Variants in NCAM2 observed in about 807,000 individuals in gnomAD.
The protein encoded by NCAM2 is neural cell adhesion molecule 2.
In NCAM2, 30 loss-of-function variants were observed where a neutral mutation model predicts 98.1. The observed-to-expected ratio is 0.31, with a 90% CI of 0.23 to 0.41. The LOEUF is 0.41. NCAM2 is among the 10% of genes least tolerant of loss of function. The probability of loss-of-function intolerance (pLI) is 1.00; values close to 1 mark genes in which losing one functional copy is unlikely to be tolerated. For missense variants in NCAM2, 867 were observed against 1,005.8 expected (o/e 0.86, Z 1.87); for synonymous variants, 368 against 342.4 (o/e 1.07, Z -0.83).
chr21:21,487,388 A>G (rs1057323939), intron 15 of NCAM2, among the ~76,000 whole-genome samples: 7 of 149,736 alleles, frequency 4.7e-5, no homozygotes, highest in African/African-American at 7.7e-5. Flanking sequence ...GTACCATCCA[A>G]TGATTTTTTT....
intron 1 of NCAM2, among the ~76,000 whole-genome samples, chr21:21,040,417 A>G (rs1470093884): frequency 1.3e-5 from 2 of 152,062 alleles, no homozygotes; most frequent in Non-Finnish European, 2.9e-5. Context: ...ATATGAATAT[A>G]TATATCTTTT....
At chr21:21,089,579 T>G (rs931360956) in intron 1 of NCAM2, among the ~76,000 whole-genome samples, 1 of 152,300 alleles carries the variant, frequency 6.6e-6, no homozygotes, top group Non-Finnish European at 1.5e-5. Context: ...CCAGAATGAC[T>G]TTATCTGGGA....
chr21:21,518,604 GAATA>G (rs1207607701), intron 16 of NCAM2, among the ~76,000 whole-genome samples: 1 of 151,116 alleles, frequency 6.6e-6, no homozygotes. Context: ...AAAACACATA[GAATA>G]AATATTATAT....
chr21:21,063,710 ATATT>A (rs1464367421), intron 1 of NCAM2, among the ~76,000 whole-genome samples: 1 of 152,202 alleles, frequency 6.6e-6, no homozygotes, highest in African/African-American at 2.4e-5. Flanking sequence ...AATAACTTGA[ATATT>A]TAATACACTA....
intron 12 of NCAM2, among the ~76,000 whole-genome samples, chr21:21,452,830 A>G (rs556053868): frequency 1.3e-4 from 14 of 104,728 alleles, no homozygotes; most frequent in South Asian, 5.5e-4. Context: ...TATAATATAT[A>G]TAATATATAA....
chr21:21,350,239 A>T (rs2075298749), intron 8 of NCAM2, among the ~76,000 whole-genome samples: 1 of 152,180 alleles, frequency 6.6e-6, no homozygotes. Context: ...AAATTAAAAA[A>T]AATCTAGAAA....
At position 21,215,912 on chromosome 21, in the gene NCAM2, A is replaced by G. The variant is rs535958315; in HGVS notation, c.56-64666A>G. Reference sequence around the variant, plus strand: ...CACTTGGATGGGAAAATATATAAATAGTACAGTAACAAGAGAGCTAAAATT... The same window carrying G: ...CACTTGGATGGGAAAATATATAAATGGTACAGTAACAAGAGAGCTAAAATT... On this transcript the variant is annotated intron_variant, in intron 1 of 17. Transcript: ENST00000400546. Among the ~76,000 whole-genome samples, 68 of 152,288 alleles carry G rather than the reference A, an allele frequency of 4.5e-4. 2 individuals are homozygous for G. In the South Asian group the frequency reaches 0.012, roughly 26 times the overall value.
At chr21:21,181,895 G>C (rs371974124) in intron 1 of NCAM2, among the ~76,000 whole-genome samples, 1 of 151,470 alleles carries the variant, frequency 6.6e-6, no homozygotes, top group Non-Finnish European at 1.5e-5. Context: ...AATAATTTTT[G>C]TTTAATATTG....
At chr21:21,024,383 T>TGG (rs199841222) in intron 1 of NCAM2, among the ~76,000 whole-genome samples, 2 of 151,480 alleles carry the variant, frequency 1.3e-5, no homozygotes, top group African/African-American at 4.9e-5. Context: ...CAAGAAATCC[T>TGG]GGGGGGGGAA....
chr21:21,062,842 T>G (rs533563804), intron 1 of NCAM2, among the ~76,000 whole-genome samples: 164 of 152,230 alleles, frequency 1.1e-3, no homozygotes, highest in Admixed American at 2.9e-3. Flanking sequence ...AAAAACATTG[T>G]GTCATATGCA....
rs189210827 is a variant in NCAM2 at position 21,101,426 on chromosome 21, C to T, written c.55+102808C>T. Among the ~76,000 whole-genome samples, 11 of 152,072 alleles carry T rather than the reference C, an allele frequency of 7.2e-5. No individual in the cohort carries two copies. In the East Asian group the frequency reaches 2.1e-3, roughly 29 times the overall value. The stretch of plus-strand genomic sequence containing the variant: ...TTTTACTTTTGGAAGCATAATGGTG[C>T]ACACTACCTTATTGATATGGACTCA... On this transcript the variant is annotated intron_variant, in intron 1 of 17. Coordinates refer to ENST00000400546, the MANE Select transcript of NCAM2 (RefSeq NM_004540.5).
chr21:21,283,616 A>G (rs1482462183), intron 2 of NCAM2, among the ~76,000 whole-genome samples: 2 of 152,012 alleles, frequency 1.3e-5, no homozygotes, highest in Admixed American at 6.6e-5. Flanking sequence ...TTAGGACATC[A>G]TTATAAAAAC....
chr21:21,099,203 GT>G (rs2066187347), intron 1 of NCAM2, among the ~76,000 whole-genome samples: 1 of 151,876 alleles, frequency 6.6e-6, no homozygotes, highest in African/African-American at 2.4e-5. Flanking sequence ...ACATAGAAAA[GT>G]AGATGCTGGA....
At chr21:21,036,252 A>G (rs757415332) in intron 1 of NCAM2, among the ~76,000 whole-genome samples, 3 of 152,204 alleles carry the variant, frequency 2.0e-5, no homozygotes, top group Non-Finnish European at 4.4e-5. Flanking sequence ...GATTTCAGAA[A>G]GTGAAGTCCT....
At chr21:21,077,847 A>G (rs193250325) in intron 1 of NCAM2, among the ~76,000 whole-genome samples, 102 of 152,252 alleles carry the variant, frequency 6.7e-4, no homozygotes, top group Non-Finnish European at 1.1e-3. Flanking sequence ...CATTTACTCA[A>G]TACTCTCTCA....
rs367947196 is a variant in NCAM2, at chr21:21,284,733, G to T, written c.337+333G>T. 7.3e-5 allele frequency among the ~76,000 whole-genome samples: 11 copies of T among 151,456 alleles called. No individual in the cohort carries two copies. In the East Asian group the frequency reaches 1.9e-3, roughly 27 times the overall value. ...GCATTTTTTTTTTCACTGTAAAATA[G>T]AAGGTCATGATTAGAATAAATGAAA... On this transcript the variant is annotated intron_variant, in intron 3 of 17. Coordinates refer to ENST00000400546, the MANE Select transcript of NCAM2 (RefSeq NM_004540.5).
chr21:21,005,613 T>G (rs1940345085), intron 1 of NCAM2, among the ~76,000 whole-genome samples: 2 of 152,158 alleles, frequency 1.3e-5, no homozygotes. Flanking sequence ...TATCTTGTTC[T>G]TCCATCCCCA....
intron 1 of NCAM2, among the ~76,000 whole-genome samples, chr21:21,053,400 T>C (rs1407760557): frequency 6.6e-6 from 1 of 151,998 alleles, no homozygotes; most frequent in Non-Finnish European, 1.5e-5. Flanking sequence ...TTACCAATAC[T>C]GATGAAACTA....
chr21:21,006,534 C>T (rs923468996), intron 1 of NCAM2, among the ~76,000 whole-genome samples: 2 of 151,968 alleles, frequency 1.3e-5, no homozygotes, highest in Non-Finnish European at 2.9e-5. Context: ...AAACATGTGT[C>T]GATCCATACA....
Sources: allele counts gnomAD v4.1 joint callset (sites outside exome capture counted in the v4.1 genomes callset), GRCh38; gene constraint gnomAD v4.1.1; transcripts MANE v1.5; gene names NCBI Gene and HGNC (gene_info 2026-07-23, HGNC 2026-07-21).